FANCB: variants seen among roughly 807,000 people sequenced by gnomAD.
FANCB encodes Fanconi anemia group B protein.
A neutral mutation model predicts 38.9 loss-of-function variants in FANCB; 5 were observed. The ratio of observed to expected loss-of-function variants is 0.13; its 90% CI spans 0.07 to 0.27. FANCB has a LOEUF of 0.27. Ranked by LOEUF, FANCB falls within the 10% of genes least tolerant of loss-of-function variation. FANCB has a pLI of 1.00. For synonymous variants in FANCB, 236 were observed against 215.4 expected (o/e 1.10, Z -0.84); for missense variants, 573 against 602.7 (o/e 0.95, Z 0.52).
At chrX:14,825,565 T>G in the FANCB span, among the ~76,000 whole-genome samples, 2 of 112,393 alleles carry the variant, frequency 1.8e-5, no homozygotes, top group African/African-American at 6.5e-5. Context: ...TGGTTTTCAA[T>G]TTTCCATCCT....
At chrX:14,839,230 G>A (rs914815564), downstream of FANCB, among the ~76,000 whole-genome samples, 1 of 110,541 alleles carries the variant, frequency 9.0e-6, no homozygotes, top group African/African-American at 3.3e-5. Flanking sequence ...GAAAGCGGAG[G>A]CTGCAGAGCT....
the FANCB span, among the ~76,000 whole-genome samples, chrX:14,739,265 C>G: frequency 2.1e-3 from 240 of 111,865 alleles, 1 homozygote; most frequent in Non-Finnish European, 2.9e-3. Context: ...ATGCCTATGA[C>G]AGCATTTGAT....
At chrX:14,850,468 G>A in intron 7 of FANCB, 37 bp downstream of exon 7, 1 of 1,085,661 alleles carries the variant, frequency 9.2e-7, no homozygotes. Flanking sequence ...CTGTTCTGGA[G>A]CATCAAGACA....
chrX:14,841,103 AAAC>A (rs1286823057), downstream of FANCB, among the ~76,000 whole-genome samples: 3 of 112,469 alleles, frequency 2.7e-5, no homozygotes, highest in Non-Finnish European at 5.6e-5. Flanking sequence ...CAAAAATGGA[AAAC>A]AACAAACCCT....
At chrX:14,695,094 C>T in the FANCB span, among the ~76,000 whole-genome samples, 1 of 111,055 alleles carries the variant, frequency 9.0e-6, no homozygotes, top group African/African-American at 3.3e-5. Context: ...TTGGCAGTGA[C>T]CAGCAAACAG....
At chrX:14,745,162 C>A in the FANCB span, among the ~76,000 whole-genome samples, 1 of 111,412 alleles carries the variant, frequency 9.0e-6, no homozygotes, top group East Asian at 2.8e-4. Context: ...AGATATACTT[C>A]CCCCTGTTAA....
intron 4 of FANCB, among the ~76,000 whole-genome samples, 176 bp from the exon 5 acceptor site, chrX:14,858,130 G>A (rs780992140): frequency 9.0e-6 from 1 of 111,578 alleles, no homozygotes; most frequent in African/African-American, 3.3e-5. Flanking sequence ...AGTGGCTCAC[G>A]CCTGTAATCC....
At chrX:14,754,725 G>T in the FANCB span, among the ~76,000 whole-genome samples, 1 of 109,745 alleles carries the variant, frequency 9.1e-6, no homozygotes, top group Non-Finnish European at 1.9e-5. Flanking sequence ...AGGTTCAGGG[G>T]TACACATGCA....
rs776802337 is a variant in FANCB at position 14,853,048 on chromosome X, A to T, written c.1317T>A (p.Ser439Arg). Residue 439 changes from serine to arginine, a missense_variant, in exon 6 of 10, where the codon AGT (serine) becomes AGA (arginine). Transcript: ENST00000650831. ...LVQGKDDNTS[S>R]AEEKECLVPL... Reference sequence around the variant, plus strand: ...ACATGATTACTTTTACCTCCTCTGCACTTGACGTATTATCATCTTTTCCTT... The same window carrying T: ...ACATGATTACTTTTACCTCCTCTGCTCTTGACGTATTATCATCTTTTCCTT... 5 of 1,200,261 alleles carry T rather than the reference A, an allele frequency of 4.2e-6. No individual in the cohort carries two copies. The South Asian group carries it at 7.1e-5, about 17-fold the overall frequency.
the FANCB span, among the ~76,000 whole-genome samples, chrX:14,695,654 G>A: frequency 8.9e-6 from 1 of 112,001 alleles, no homozygotes; most frequent in Non-Finnish European, 1.9e-5. Context: ...CCCAGAGTCT[G>A]TGTGCTTCAC....
At chrX:14,860,543 C>G (rs2092442434) in intron 3 of FANCB, among the ~76,000 whole-genome samples, 1 of 111,223 alleles carries the variant, frequency 9.0e-6, no homozygotes, top group Non-Finnish European at 1.9e-5. Context: ...GTAAGTGAGC[C>G]CCAAATATAA....
rs777190282 is a variant in FANCB at position 14,850,643 on chromosome X, T to C, written c.1358A>G (p.Glu453Gly). ...KECLVPLCGEEENSVHILDEK... is the reference protein window; with the variant it reads ...KECLVPLCGEGENSVHILDEK... ...ATCTAAGATATGGACAGAATTTTCT[T>C]CTTCACCACAAAGAGGAACAAGACA... The change falls in exon 7 of 10, where the codon GAA (glutamate) becomes GGA (glycine). Residue 453 changes from glutamate (E) to glycine (G), a missense_variant. Coordinates refer to ENST00000650831, the MANE Select transcript of FANCB (RefSeq NM_001018113.3). The C allele has an allele frequency of 1.7e-6, 2 of 1,183,935 alleles. No homozygotes were observed. The highest frequency in any genetic ancestry group is 2.3e-6 in the Non-Finnish European group (2 of 873,467).
At chrX:14,780,025 A>G in the FANCB span, among the ~76,000 whole-genome samples, 1 of 111,104 alleles carries the variant, frequency 9.0e-6, no homozygotes, top group South Asian at 3.6e-4. Flanking sequence ...TTAGGTGTTG[A>G]TTACTTTCTC....
At chrX:14,728,703 G>C in the FANCB span, among the ~76,000 whole-genome samples, 1 of 112,225 alleles carries the variant, frequency 8.9e-6, no homozygotes, top group African/African-American at 3.2e-5. Context: ...CAAGGACTGC[G>C]TTGAACTCTT....
At chrX:14,869,600 A>C (rs1328206414) in intron 1 of FANCB, among the ~76,000 whole-genome samples, 1 of 111,991 alleles carries the variant, frequency 8.9e-6, no homozygotes, top group Non-Finnish European at 1.9e-5. Context: ...GCTATTTAAT[A>C]CATCAGTTAA....
chrX:14,690,784 C>A, the FANCB span: 1 of 1,201,083 alleles, frequency 8.3e-7, no homozygotes, highest in Non-Finnish European at 1.1e-6. Flanking sequence ...TACTGGAATA[C>A]GCAGCGGTGA....
chrX:14,870,567 T>G (rs1374943890), intron 1 of FANCB, among the ~76,000 whole-genome samples: 1 of 112,111 alleles, frequency 8.9e-6, no homozygotes, highest in Non-Finnish European at 1.9e-5. Flanking sequence ...CTATCTATTT[T>G]ATACATAAAA....
chrX:14,723,785 G>C, the FANCB span, among the ~76,000 whole-genome samples: 1 of 111,686 alleles, frequency 9.0e-6, no homozygotes, highest in Non-Finnish European at 1.9e-5. Context: ...TCACTTCCTA[G>C]GGGAAAAGCT....
chrX:14,798,274 T>C, the FANCB span, among the ~76,000 whole-genome samples: 2 of 110,635 alleles, frequency 1.8e-5, no homozygotes, highest in Non-Finnish European at 3.8e-5. Flanking sequence ...GCCATTCTCT[T>C]GCCTCAGCCT....
Sources: allele counts gnomAD v4.1 joint callset (sites outside exome capture counted in the v4.1 genomes callset), GRCh38; gene constraint gnomAD v4.1.1; transcripts MANE v1.5; gene names NCBI Gene and HGNC (gene_info 2026-07-23, HGNC 2026-07-21).